Variants in TRPA1 observed in about 807,000 individuals in gnomAD.
TRPA1 encodes ankyrin-like with transmembrane domains 1.
A neutral mutation model predicts 131.3 loss-of-function variants in TRPA1; 129 were observed. The observed-to-expected ratio is 0.98, with a 90% CI of 0.85 to 1.14. The LOEUF is 1.14. Ranked by LOEUF, TRPA1 falls within the 50% of genes most tolerant of loss-of-function variation. The pLI is 0.00. For missense variants in TRPA1, 1,304 were observed against 1,354.2 expected (o/e 0.96, Z 0.58); for synonymous variants, 441 against 451.7 (o/e 0.98, Z 0.30).
chr8:72,033,212 C>T (rs1811898618), intron 23 of TRPA1, among the ~76,000 whole-genome samples: 1 of 152,192 alleles, frequency 6.6e-6, no homozygotes, highest in Non-Finnish European at 1.5e-5. Flanking sequence ...ACTCTGACCC[C>T]CTCTCCAACT....
At chr8:72,050,730 C>T (rs772400684) in intron 15 of TRPA1, 48 bp downstream of exon 15, 1 of 1,222,026 alleles carries the variant, frequency 8.2e-7, no homozygotes, top group Non-Finnish European at 1.2e-6. Context: ...ATTACAACAA[C>T]ATATGTCAAG....
At chr8:72,083,832 G>A in the TRPA1 span, among the ~76,000 whole-genome samples, 1 of 152,114 alleles carries the variant, frequency 6.6e-6, no homozygotes, top group South Asian at 2.1e-4. Context: ...CATGTGGTTT[G>A]TAGCTACTCC....
At chr8:72,040,403 C>T (rs1466434006) in intron 17 of TRPA1, among the ~76,000 whole-genome samples, 1 of 152,042 alleles carries the variant, frequency 6.6e-6, no homozygotes, top group Non-Finnish European at 1.5e-5. Context: ...CAATCCCAAA[C>T]TTAGTTAACG....
At chr8:72,053,302 A>G (rs1805574798) in intron 13 of TRPA1, 2 of 208,130 alleles carry the variant, frequency 9.6e-6, no homozygotes, top group Admixed American at 1.1e-4. Flanking sequence ...AAAGGCAACA[A>G]CAGTCTTCTA....
At chr8:72,085,890 C>T in the TRPA1 span, among the ~76,000 whole-genome samples, 156 of 151,734 alleles carry the variant, frequency 1.0e-3, no homozygotes, top group Non-Finnish European at 1.9e-3. Flanking sequence ...TTGGGGAATG[C>T]GTATTCTACT....
Position 72,075,400 on chromosome 8 carries a change from T to C in TRPA1, c.10A>G (p.Ser4Gly), listed in dbSNP as rs758683120. Residue 4 changes from serine to glycine, a missense_variant, in exon 1 of 27, where the codon AGC becomes GGC. Transcript: ENST00000262209. Reference sequence around the variant, plus strand: ...CCAGGGCGCCACATCTTCCTCAGGCTGCGCTTCATTGACCCCACCCCGGAC... The same window carrying C: ...CCAGGGCGCCACATCTTCCTCAGGCCGCGCTTCATTGACCCCACCCCGGAC... The part of the protein sequence containing the change: MKR[S>G]LRKMWRPGEK... 1.7e-5 allele frequency: 27 copies of C among 1,608,140 alleles called. No homozygotes were observed. The highest frequency in any genetic ancestry group is 2.3e-5 in the Non-Finnish European group (27 of 1,179,530).
At chr8:72,074,872 G>T (rs1420158941) in intron 1 of TRPA1, among the ~76,000 whole-genome samples, 4 of 152,174 alleles carry the variant, frequency 2.6e-5, no homozygotes, top group African/African-American at 9.7e-5. Context: ...AGACCAGAAG[G>T]CTTCTCAACC....
intron 13 of TRPA1, 137 bp from the exon 14 acceptor site, chr8:72,052,902 C>T: frequency 2.1e-6 from 2 of 938,690 alleles, no homozygotes; most frequent in Non-Finnish European, 3.2e-6. Flanking sequence ...TGTTCAGAAT[C>T]AAGCTTCAAA....
intron 17 of TRPA1, 59 bp downstream of exon 17, chr8:72,046,454 A>T: frequency 9.4e-7 from 1 of 1,061,972 alleles, no homozygotes; most frequent in Non-Finnish European, 1.4e-6. Context: ...CTTAAAGTAT[A>T]ATAAAAAAAA....
chr8:72,050,169 C>T (rs1805464535), intron 15 of TRPA1, among the ~76,000 whole-genome samples: 1 of 152,082 alleles, frequency 6.6e-6, no homozygotes, highest in Non-Finnish European at 1.5e-5. Flanking sequence ...GTTCAATTCC[C>T]ACCTATGAGT....
chr8:72,036,628 G>T (rs13282041), intron 20 of TRPA1, among the ~76,000 whole-genome samples, 171 bp from the exon 21 acceptor site: 12,941 of 152,258 alleles, frequency 0.085, 634 homozygotes, highest in Middle Eastern at 0.12. Flanking sequence ...AGTCCCCGGG[G>T]TATGAATCGG....
At chr8:72,088,265 A>G in the TRPA1 span, among the ~76,000 whole-genome samples, 17,498 of 150,720 alleles carry the variant, frequency 0.12, 1,192 homozygotes, top group Middle Eastern at 0.2. Flanking sequence ...TGTATATTCA[A>G]TCCTATCTAC....
At chr8:72,075,624 A>AGCAGGCG, upstream of TRPA1, 1 of 574,736 alleles carries the variant, frequency 1.7e-6, no homozygotes, top group South Asian at 2.0e-5. Flanking sequence ...TAGTGCAGGA[A>AGCAGGCG]GCAGGCGGGG....
At position 72,063,580 on chromosome 8, in the gene TRPA1, A is replaced by C; in HGVS notation, c.553-9T>G. 1 of 1,600,646 alleles carries C rather than the reference A, an allele frequency of 6.2e-7. No individual in the cohort carries two copies. The highest frequency in any genetic ancestry group is 8.6e-7 in the Non-Finnish European group (1 of 1,168,354). ...TTAGCTCCTTTTTTAAGCTGGAAGAAAAGACAAAATGAAAAATGACACCAG... is the reference window on the plus strand; with the variant it reads ...TTAGCTCCTTTTTTAAGCTGGAAGACAAGACAAAATGAAAAATGACACCAG... On this transcript the variant is annotated splice_polypyrimidine_tract_variant and intron_variant, in intron 4 of 26. Transcript: ENST00000262209.
At chr8:72,031,951 G>T (rs1246979173) in intron 23 of TRPA1, among the ~76,000 whole-genome samples, 1 of 152,222 alleles carries the variant, frequency 6.6e-6, no homozygotes, top group African/African-American at 2.4e-5. Context: ...GGTTAAGGAA[G>T]TCTGACCTGA....
rs918809374 is a variant in TRPA1 at position 72,063,644 on chromosome 8, G to A, written c.553-73C>T. ...CGCAAGGGTGGATGAGAATTTATGTGCCTCTCCCATATCATTTTACTATTA... is the reference window on the plus strand; with the variant it reads ...CGCAAGGGTGGATGAGAATTTATGTACCTCTCCCATATCATTTTACTATTA... On this transcript the variant is annotated intron_variant, in intron 4 of 26. Coordinates refer to ENST00000262209, the MANE Select transcript of TRPA1 (RefSeq NM_007332.3). 6 of 931,480 alleles carry A rather than the reference G, an allele frequency of 6.4e-6. No individual in the cohort carries two copies. The East Asian group carries it at 1.5e-4, about 23-fold the overall frequency. 57.7% of individuals were successfully genotyped at this position (931,480 alleles called of 1,614,324 possible). A position where few individuals can be genotyped will look rare whatever the true frequency, so the allele number is the denominator to read the frequency against.
upstream of TRPA1, among the ~76,000 whole-genome samples, chr8:72,079,234 A>G (rs904324244): frequency 2.0e-5 from 3 of 151,890 alleles, no homozygotes; most frequent in African/African-American, 4.8e-5. Context: ...AAAACTTTTA[A>G]TTTTGATAAA....
chr8:72,067,341 C>G (rs572850511), intron 3 of TRPA1, among the ~76,000 whole-genome samples: 1 of 152,220 alleles, frequency 6.6e-6, no homozygotes, highest in East Asian at 1.9e-4. Flanking sequence ...CCAGAGGAGT[C>G]TGAAAATATT....
At chr8:72,049,742 A>G (rs1171422893) in intron 15 of TRPA1, among the ~76,000 whole-genome samples, 10 of 152,176 alleles carry the variant, frequency 6.6e-5, no homozygotes, top group Admixed American at 5.2e-4. Flanking sequence ...GAACCATGCC[A>G]GGCATAAGAG....
Sources: allele counts gnomAD v4.1 joint callset (sites outside exome capture counted in the v4.1 genomes callset), GRCh38; gene constraint gnomAD v4.1.1; transcripts MANE v1.5; gene names NCBI Gene and HGNC (gene_info 2026-07-23, HGNC 2026-07-21).